RGS6: variants seen among roughly 807,000 people sequenced by gnomAD.
The protein encoded by RGS6 is regulator of G-protein signaling 6.
In RGS6, 30 loss-of-function variants were observed where a neutral mutation model predicts 78.5. The observed-to-expected ratio is 0.38, with a 90% CI of 0.29 to 0.52. RGS6 has a LOEUF of 0.52. Among genes scored for constraint, RGS6 ranks in the 20% least tolerant of loss-of-function variants. The probability of loss-of-function intolerance (pLI) is 0.85; values close to 1 mark genes in which losing one functional copy is unlikely to be tolerated. For missense variants in RGS6, 495 were observed against 609.7 expected (o/e 0.81, Z 1.98); for synonymous variants, 206 against 206.0 (o/e 1.00, Z 0.00).
chr14:72,026,212 G>A (rs765787724), intron 2 of RGS6, among the ~76,000 whole-genome samples: 4 of 152,030 alleles, frequency 2.6e-5, no homozygotes, highest in Non-Finnish European at 5.9e-5. Flanking sequence ...TTCGAGACTA[G>A]CCTGGCTAAC....
At chr14:71,982,652 C>T (rs1282707525) in intron 2 of RGS6, among the ~76,000 whole-genome samples, 2 of 152,210 alleles carry the variant, frequency 1.3e-5, no homozygotes, top group African/African-American at 4.8e-5. Context: ...GCCAAAAGCT[C>T]TGTTCAGCTT....
intron 3 of RGS6, among the ~76,000 whole-genome samples, chr14:72,383,200 A>ATG (rs1424614253): frequency 6.4e-5 from 8 of 125,976 alleles, no homozygotes; most frequent in African/African-American, 2.1e-4. Context: ...ATATATATAT[A>ATG]TATATATATA....
At chr14:72,317,099 T>TA (rs1056300616) in intron 2 of RGS6, among the ~76,000 whole-genome samples, 6 of 152,138 alleles carry the variant, frequency 3.9e-5, no homozygotes, top group African/African-American at 1.2e-4. Flanking sequence ...ACTGGTTGGT[T>TA]ATGTGACCTT....
chr14:72,313,044 A>G (rs2069047467), intron 2 of RGS6, among the ~76,000 whole-genome samples: 1 of 152,226 alleles, frequency 6.6e-6, no homozygotes, highest in African/African-American at 2.4e-5. Context: ...TTGGAGCTGC[A>G]GCGACTTGAG....
chr14:72,100,003 C>T (rs943185977), intron 2 of RGS6, among the ~76,000 whole-genome samples: 3 of 152,012 alleles, frequency 2.0e-5, no homozygotes, highest in African/African-American at 7.3e-5. Flanking sequence ...GAAAGCCAAG[C>T]AGAGAGCGGG....
chr14:71,887,747 AC>A, the RGS6 span, among the ~76,000 whole-genome samples: 1 of 152,020 alleles, frequency 6.6e-6, no homozygotes, highest in Non-Finnish European at 1.5e-5. Flanking sequence ...CTGAACATAG[AC>A]CCTTATCAGT....
chr14:72,321,412 C>T (rs762562803), intron 2 of RGS6, among the ~76,000 whole-genome samples: 10 of 151,848 alleles, frequency 6.6e-5, no homozygotes, highest in Non-Finnish European at 1.3e-4. Flanking sequence ...AAAAAAGATT[C>T]TGAAATCGAG....
chr14:72,533,487 T>C (rs545760909), intron 15 of RGS6, among the ~76,000 whole-genome samples: 17 of 152,374 alleles, frequency 1.1e-4, no homozygotes, highest in Non-Finnish European at 2.2e-4. Context: ...TCAAGTCCTA[T>C]TATTTAAGAA....
At chr14:72,214,333 T>C (rs1270766915) in intron 2 of RGS6, among the ~76,000 whole-genome samples, 3 of 152,042 alleles carry the variant, frequency 2.0e-5, no homozygotes, top group Non-Finnish European at 4.4e-5. Flanking sequence ...CGTGCCACCA[T>C]GCCCAGCTGA....
At chr14:72,330,045 A>G (rs2074649625) in intron 2 of RGS6, among the ~76,000 whole-genome samples, 2 of 152,188 alleles carry the variant, frequency 1.3e-5, no homozygotes, top group Non-Finnish European at 1.5e-5. Flanking sequence ...CACAGCACCC[A>G]ACAGCAGGTT....
intron 2 of RGS6, among the ~76,000 whole-genome samples, chr14:72,016,600 C>T (rs1272920298): frequency 6.6e-5 from 10 of 152,146 alleles, no homozygotes; most frequent in African/African-American, 9.6e-5. Flanking sequence ...CTCCTGACCT[C>T]GTGATCCGCC....
At chr14:72,499,105 T>C (rs1018194548) in intron 13 of RGS6, among the ~76,000 whole-genome samples, 3 of 152,294 alleles carry the variant, frequency 2.0e-5, no homozygotes, top group South Asian at 2.1e-4. Context: ...GATGTCTTTC[T>C]ATTTCCTCGC....
intron 2 of RGS6, among the ~76,000 whole-genome samples, chr14:72,351,891 C>T (rs973138734): frequency 2.6e-5 from 4 of 152,166 alleles, no homozygotes; most frequent in African/African-American, 7.2e-5. Flanking sequence ...GACTTATGCT[C>T]TGTATATAAC....
In RGS6 at chr14:72,380,730, A is replaced by G. The variant is rs546180838; in HGVS notation, c.184+28536A>G. ...TTATGCACTGTTGATGGGGATGTAAACTAGTAGAGCCACTATGGAGAACAG... is the reference window on the plus strand; with the variant it reads ...TTATGCACTGTTGATGGGGATGTAAGCTAGTAGAGCCACTATGGAGAACAG... On this transcript the variant is annotated intron_variant, in intron 3 of 17. Coordinates refer to ENST00000553525, the MANE Select transcript of RGS6 (RefSeq NM_001204424.2). Among the ~76,000 whole-genome samples, 77 of 152,150 alleles carry G rather than the reference A, an allele frequency of 5.1e-4. 1 individual carries two copies. Among genetic ancestry groups the G allele is most frequent in the Non-Finnish European group, 1.0e-3 (68 of 67,990 alleles).
chr14:72,078,765 G>A (rs912779339), intron 2 of RGS6, among the ~76,000 whole-genome samples: 3 of 152,098 alleles, frequency 2.0e-5, no homozygotes, highest in African/African-American at 7.2e-5. Context: ...CACCTAGCCT[G>A]ATGTTACACT....
intron 2 of RGS6, among the ~76,000 whole-genome samples, chr14:72,147,399 C>G (rs117385493): frequency 0.034 from 5,157 of 152,298 alleles, 121 homozygotes; most frequent in Non-Finnish European, 0.051. Context: ...TGGCAAGAAC[C>G]TTCTTGCTGC....
chr14:72,190,600 G>A (rs760987523), intron 2 of RGS6, among the ~76,000 whole-genome samples: 6 of 152,168 alleles, frequency 3.9e-5, no homozygotes, highest in Non-Finnish European at 8.8e-5. Context: ...ACAGAGACAG[G>A]GCACCCTTAT....
At chr14:72,539,750 G>A (rs1195368023) in intron 16 of RGS6, among the ~76,000 whole-genome samples, 1 of 152,204 alleles carries the variant, frequency 6.6e-6, no homozygotes, top group Non-Finnish European at 1.5e-5. Context: ...AGTCATGATG[G>A]TTCTGATCCA....
intron 2 of RGS6, among the ~76,000 whole-genome samples, chr14:72,209,444 T>G (rs754674395): frequency 6.6e-6 from 1 of 152,224 alleles, no homozygotes; most frequent in African/African-American, 2.4e-5. Context: ...GTGAGCAATT[T>G]TATTAAAATC....
Sources: allele counts gnomAD v4.1 joint callset (sites outside exome capture counted in the v4.1 genomes callset), GRCh38; gene constraint gnomAD v4.1.1; transcripts MANE v1.5; gene names NCBI Gene and HGNC (gene_info 2026-07-23, HGNC 2026-07-21).